The following SHISA9 variants were observed in gnomAD, a reference collection of about 807,000 sequenced individuals.
SHISA9 encodes protein shisa-9.
Under a neutral mutation model 38.0 loss-of-function variants are expected in SHISA9, and 13 were observed. That is an observed-to-expected ratio of 0.34 (90% CI 0.22 to 0.54). SHISA9 has a LOEUF of 0.54. Among genes scored for constraint, SHISA9 ranks in the 20% least tolerant of loss-of-function variants. The pLI, the probability that SHISA9 is intolerant of heterozygous loss-of-function variation, is 0.91. For synonymous variants in SHISA9, 275 were observed against 242.0 expected, an observed-to-expected ratio of 1.14 and a Z score of -1.27; for missense variants, 538 against 575.8, an observed-to-expected ratio of 0.93 and a Z score of 0.67.
the SHISA9 span, among the ~76,000 whole-genome samples, chr16:13,458,984 C>T: frequency 0.18 from 27,836 of 151,744 alleles, 2,786 homozygotes; most frequent in East Asian, 0.35. Flanking sequence ...TCTCCTGCCT[C>T]GGCCTCCCAA....
At chr16:13,135,142 A>T (rs1319816154) in intron 2 of SHISA9, among the ~76,000 whole-genome samples, 1 of 152,242 alleles carries the variant, frequency 6.6e-6, no homozygotes, top group Non-Finnish European at 1.5e-5. Flanking sequence ...ATTCTTCCAT[A>T]GGGAAGAACA....
At chr16:12,955,450 C>T (rs576280901) in intron 2 of SHISA9, among the ~76,000 whole-genome samples, 14 of 152,084 alleles carry the variant, frequency 9.2e-5, no homozygotes, top group Admixed American at 5.9e-4. Flanking sequence ...TAGAGACAAA[C>T]TCATGTCCCA....
chr16:13,051,962 A>G lies in SHISA9; in HGVS notation c.691+135147A>G, dbSNP rs367857701. On this transcript the variant is annotated intron_variant, in intron 2 of 4. Coordinates refer to ENST00000558583, the MANE Select transcript of SHISA9 (RefSeq NM_001145204.3). ...GTATTTTTAGTAGAGATGGGGTTTC[A>G]CCATGTTGGCCAGGCTGGTCTCGAA... Among the ~76,000 whole-genome samples, 30 of 152,180 alleles carry G rather than the reference A, an allele frequency of 2.0e-4. No individual in the cohort carries two copies. In the East Asian group the frequency reaches 5.4e-3, roughly 27 times the overall value.
At chr16:13,245,345 C>A (rs1439036767), downstream of SHISA9, among the ~76,000 whole-genome samples, 1 of 152,178 alleles carries the variant, frequency 6.6e-6, no homozygotes, top group African/African-American at 2.4e-5. Flanking sequence ...AATCCCTCTG[C>A]AGGTGTGTGG....
At chr16:13,049,551 T>C (rs867448499) in intron 2 of SHISA9, among the ~76,000 whole-genome samples, 1 of 152,258 alleles carries the variant, frequency 6.6e-6, no homozygotes, top group Admixed American at 6.5e-5. Flanking sequence ...ATAGTGGTGA[T>C]GGAGTAGGGG....
intron 2 of SHISA9, among the ~76,000 whole-genome samples, chr16:12,956,548 A>G (rs1287982782): frequency 6.6e-6 from 1 of 152,224 alleles, no homozygotes. Context: ...GCAGCCATAA[A>G]AAGAATGAAA....
At chr16:13,241,125 C>A (rs75941707), downstream of SHISA9, among the ~76,000 whole-genome samples, 3,510 of 152,272 alleles carry the variant, frequency 0.023, 62 homozygotes, top group Middle Eastern at 0.037. Flanking sequence ...TGCCCATGGC[C>A]ATCAGACATT....
the SHISA9 span, among the ~76,000 whole-genome samples, chr16:13,411,444 G>A: frequency 1.3e-5 from 2 of 152,238 alleles, no homozygotes; most frequent in Non-Finnish European, 2.9e-5. Context: ...GTTCACCTGT[G>A]TGTATCAGAA....
At chr16:13,267,167 G>C in the SHISA9 span, among the ~76,000 whole-genome samples, 1 of 152,030 alleles carries the variant, frequency 6.6e-6, no homozygotes, top group Non-Finnish European at 1.5e-5. Context: ...GACAAACCAA[G>C]ACTTGCTAAT....
intron 2 of SHISA9, among the ~76,000 whole-genome samples, chr16:12,945,360 A>G (rs1012982521): frequency 3.3e-5 from 5 of 152,336 alleles, no homozygotes; most frequent in South Asian, 2.1e-4. Context: ...TTTGAGAAAC[A>G]TGATGAATGG....
At chr16:12,975,705 A>C (rs368318022) in intron 2 of SHISA9, among the ~76,000 whole-genome samples, 1 of 150,092 alleles carries the variant, frequency 6.7e-6, no homozygotes, top group African/African-American at 2.5e-5. Context: ...CTAATCAGGA[A>C]TTGGTGAATT....
intron 4 of SHISA9, among the ~76,000 whole-genome samples, chr16:13,232,503 A>G (rs1254787528): frequency 2.6e-5 from 4 of 152,240 alleles, no homozygotes; most frequent in African/African-American, 9.6e-5. Flanking sequence ...AAATACTTGA[A>G]GAGATTTATT....
At chr16:13,128,550 T>C (rs552279753) in intron 2 of SHISA9, among the ~76,000 whole-genome samples, 1 of 152,262 alleles carries the variant, frequency 6.6e-6, no homozygotes, top group East Asian at 1.9e-4. Context: ...AAGAGAATGA[T>C]CATGACTGAG....
chr16:13,122,420 G>GA (rs1364701915), intron 2 of SHISA9, among the ~76,000 whole-genome samples: 3 of 152,134 alleles, frequency 2.0e-5, no homozygotes, highest in Admixed American at 6.6e-5. Context: ...GAATGCAATA[G>GA]AAAAAAATCT....
intron 1 of SHISA9, among the ~76,000 whole-genome samples, chr16:12,907,337 C>T (rs1242698831): frequency 6.9e-6 from 1 of 144,700 alleles, no homozygotes; most frequent in African/African-American, 2.6e-5. Context: ...CTTCTCTTTC[C>T]TTCCTTCCCC....
the SHISA9 span, among the ~76,000 whole-genome samples, chr16:13,458,169 A>G: frequency 6.6e-6 from 1 of 152,216 alleles, no homozygotes; most frequent in Non-Finnish European, 1.5e-5. Context: ...AGTGCGATGT[A>G]CCAGTCAACC....
rs967731123 is a variant in SHISA9 at position 13,239,787 on chromosome 16, C to T, written c.*4378C>T. On this transcript the variant is annotated 3_prime_UTR_variant, in exon 5 of 5. Transcript: ENST00000558583. ...AATTTTCTCCCATTTTGTAGGTTGC[C>T]TGTTCACTCTGATGGTAGTTTCTTT... The T allele has an allele frequency of 2.6e-5, 4 of 151,954 alleles. No homozygotes were observed. Among genetic ancestry groups the T allele is most frequent in the Non-Finnish European group, 5.9e-5 (4 of 68,014 alleles). The allele number at this position is 151,954 out of a possible 1,614,324, so 9.4% of individuals were successfully genotyped here. A position where few individuals can be genotyped will look rare whatever the true frequency, so the allele number is the denominator to read the frequency against.
the SHISA9 span, among the ~76,000 whole-genome samples, chr16:13,492,487 C>T: frequency 6.6e-6 from 1 of 152,170 alleles, no homozygotes; most frequent in Non-Finnish European, 1.5e-5. Flanking sequence ...AACATTACAG[C>T]ATGCTTTTTA....
chr16:13,291,318 A>T, the SHISA9 span, among the ~76,000 whole-genome samples: 1 of 152,186 alleles, frequency 6.6e-6, no homozygotes, highest in Non-Finnish European at 1.5e-5. Flanking sequence ...AAGGGAAACA[A>T]ACCCAAGCTC....
Sources: gnomAD v4.1 joint callset for allele counts (sites outside exome capture counted in the v4.1 genomes callset) on GRCh38, gnomAD v4.1.1 for gene constraint, MANE v1.5 for transcripts, NCBI Gene and HGNC (gene_info 2026-07-23, HGNC 2026-07-21) for gene names.